Variants in COL19A1 observed in about 807,000 individuals in gnomAD.
The protein encoded by COL19A1 is collagen alpha-1(XIX) chain.
Under a neutral mutation model 190.2 loss-of-function variants are expected in COL19A1, and 159 were observed. The ratio of observed to expected loss-of-function variants is 0.84; its 90% CI spans 0.73 to 0.95. The LOEUF (loss-of-function observed/expected upper bound fraction) is 0.95, where lower values mean the gene tolerates loss of function less well. Among genes scored for constraint, COL19A1 ranks in the 40% least tolerant of loss-of-function variants. The pLI, the probability that COL19A1 is intolerant of heterozygous loss-of-function variation, is 0.00. For missense variants in COL19A1, 1,418 were observed against 1,431.9 expected, an observed-to-expected ratio of 0.99 and a Z score of 0.16; for synonymous variants, 509 against 458.9, an observed-to-expected ratio of 1.11 and a Z score of -1.39.
chr6:70,143,208 G>A (rs929587192), intron 23 of COL19A1, among the ~76,000 whole-genome samples: 1 of 152,108 alleles, frequency 6.6e-6, no homozygotes, highest in Admixed American at 6.6e-5. Flanking sequence ...TCCATCTAAG[G>A]AAGACATTTC....
chr6:69,985,598 C>T (rs1776268102), intron 11 of COL19A1, among the ~76,000 whole-genome samples: 2 of 152,034 alleles, frequency 1.3e-5, no homozygotes, highest in South Asian at 4.1e-4. Flanking sequence ...TATATGCAAA[C>T]AGCCAGGACC....
rs1294142343 is a variant in COL19A1, at chr6:70,165,858, C to T, written c.2401-83C>T. Reference sequence around the variant, plus strand: ...AAGTCATATCGATTTCAGAAGATGGCTCTGTGATTAATTTCAGAAGATAGT... The same window carrying T: ...AAGTCATATCGATTTCAGAAGATGGTTCTGTGATTAATTTCAGAAGATAGT... On this transcript the variant is annotated intron_variant, in intron 36 of 50. Transcript: ENST00000620364. 3 of 1,244,022 alleles carry T rather than the reference C, an allele frequency of 2.4e-6. No individual in the cohort carries two copies. In the African/African-American group the frequency reaches 4.4e-5, roughly 18 times the overall value. 77.1% of individuals were successfully genotyped at this position (1,244,022 alleles called of 1,614,324 possible).
intron 16 of COL19A1, among the ~76,000 whole-genome samples, chr6:70,114,601 A>C (rs1784461695): frequency 6.6e-6 from 1 of 152,102 alleles, no homozygotes; most frequent in African/African-American, 2.4e-5. Context: ...CCATCTTCTC[A>C]TTATTTTTGT....
chr6:69,903,960 T>C (rs1476793084), intron 4 of COL19A1, among the ~76,000 whole-genome samples: 1 of 152,174 alleles, frequency 6.6e-6, no homozygotes, highest in Non-Finnish European at 1.5e-5. Context: ...GGGCTATGTA[T>C]ATAGCCCCGC....
intron 4 of COL19A1, among the ~76,000 whole-genome samples, chr6:69,925,113 G>T (rs923675688): frequency 2.6e-5 from 4 of 152,066 alleles, no homozygotes; most frequent in South Asian, 2.1e-4. Flanking sequence ...GTCAATTTTG[G>T]CTTTTGTTGC....
At chr6:70,043,377 A>G (rs1471217288) in intron 14 of COL19A1, among the ~76,000 whole-genome samples, 1 of 152,024 alleles carries the variant, frequency 6.6e-6, no homozygotes, top group African/African-American at 2.4e-5. Context: ...TACTTTTAGT[A>G]GAGACAGGGT....
chr6:70,190,519 A>T (rs1766799651), intron 48 of COL19A1, 138 bp downstream of exon 48: 2 of 618,186 alleles, frequency 3.2e-6, no homozygotes, highest in Non-Finnish European at 5.8e-6. Flanking sequence ...TTATGATGGG[A>T]CAGCTCTTTG....
intron 4 of COL19A1, among the ~76,000 whole-genome samples, chr6:69,912,050 C>T (rs1042106713): frequency 6.6e-6 from 1 of 152,160 alleles, no homozygotes; most frequent in African/African-American, 2.4e-5. Flanking sequence ...CCAATGCCAG[C>T]GTTGACCTAG....
chr6:70,085,078 T>C (rs1373232192), intron 15 of COL19A1, among the ~76,000 whole-genome samples: 1 of 152,200 alleles, frequency 6.6e-6, no homozygotes, highest in Non-Finnish European at 1.5e-5. Flanking sequence ...ATGCTAGGTA[T>C]TCAATAATTG....
intron 17 of COL19A1, among the ~76,000 whole-genome samples, chr6:70,125,093 A>T: frequency 9.0e-6 from 1 of 111,010 alleles, no homozygotes; most frequent in Admixed American, 9.6e-5. Flanking sequence ...CTGTTTTTGG[A>T]CACTGAGATT....
chr6:70,156,779 C>A, intron 34 of COL19A1, 56 bp downstream of exon 34: 1 of 1,402,876 alleles, frequency 7.1e-7, no homozygotes. Flanking sequence ...TTACGTGGCT[C>A]AACAGAGTAA....
At chr6:70,119,137 C>A (rs1362068825) in intron 16 of COL19A1, among the ~76,000 whole-genome samples, 1 of 152,188 alleles carries the variant, frequency 6.6e-6, no homozygotes, top group Non-Finnish European at 1.5e-5. Flanking sequence ...CCTCCCAGAA[C>A]CCTTTGGGAG....
intron 16 of COL19A1, among the ~76,000 whole-genome samples, chr6:70,117,398 C>T (rs1239265357): frequency 1.3e-5 from 2 of 152,168 alleles, no homozygotes; most frequent in Non-Finnish European, 2.9e-5. Flanking sequence ...ATGCAAATAG[C>T]TCATCATTTT....
chr6:69,934,997 CTGGTTGTCAATATTTTAT>C (rs1773008207), intron 7 of COL19A1, among the ~76,000 whole-genome samples: 1 of 151,834 alleles, frequency 6.6e-6, no homozygotes. Context: ...CACATGTTTT[CTGGTTGTCAATATTTTAT>C]AAAGCATTTC....
At chr6:70,141,676 G>A (rs1323891250) in intron 20 of COL19A1, among the ~76,000 whole-genome samples, 1 of 152,068 alleles carries the variant, frequency 6.6e-6, no homozygotes, top group East Asian at 1.9e-4. Context: ...GGCATTGGGG[G>A]AAAAATTATT....
chr6:69,918,994 G>T (rs754068564), intron 4 of COL19A1, among the ~76,000 whole-genome samples: 3 of 152,162 alleles, frequency 2.0e-5, no homozygotes, highest in African/African-American at 7.2e-5. Flanking sequence ...CAGAGCACAG[G>T]AGAGAGAAAT....
intron 9 of COL19A1, among the ~76,000 whole-genome samples, chr6:69,954,700 T>C (rs1427756103): frequency 6.6e-6 from 1 of 152,072 alleles, no homozygotes; most frequent in Non-Finnish European, 1.5e-5. Flanking sequence ...ATATTCAAGT[T>C]ATATTGCTTT....
rs1236523137 is a variant in COL19A1, at chr6:69,932,841, G to A, written c.725G>A (p.Cys242Tyr). 1 of 1,607,014 alleles carries A rather than the reference G, an allele frequency of 6.2e-7. No individual in the cohort carries two copies. Among genetic ancestry groups the A allele is most frequent in the South Asian group, 1.1e-5 (1 of 90,228 alleles). ...GCAAACCTCATAGCTCAAGAAACAT[G>A]TTGTGAAATATCAGATACTAAGGTA... ...CSANLIAQET[C>Y]CEISDTKCPE... Residue 242 changes from cysteine to tyrosine, a missense_variant, in exon 7 of 51, where the codon TGT (cysteine) becomes TAT (tyrosine). Physicochemically the swap from Cys to Tyr is radical, Grantham distance 194. Transcript: ENST00000620364.
intron 14 of COL19A1, among the ~76,000 whole-genome samples, chr6:70,063,726 G>A (rs1478855134): frequency 6.6e-6 from 1 of 152,122 alleles, no homozygotes; most frequent in African/African-American, 2.4e-5. Flanking sequence ...AGAATTGATA[G>A]ACCGCTAGCA....
Sources: allele counts gnomAD v4.1 joint callset (sites outside exome capture counted in the v4.1 genomes callset), GRCh38; gene constraint gnomAD v4.1.1; transcripts MANE v1.5; gene names NCBI Gene and HGNC (gene_info 2026-07-23, HGNC 2026-07-21).